PSG11: variants seen among roughly 807,000 people sequenced by gnomAD.
PSG11 encodes pregnancy-specific beta-1-glycoprotein 11.
A neutral mutation model predicts 36.0 loss-of-function variants in PSG11; 42 were observed. The ratio of observed to expected loss-of-function variants is 1.17; its 90% CI spans 0.91 to 1.51. The LOEUF (loss-of-function observed/expected upper bound fraction) is 1.51. Among genes scored for constraint, PSG11 ranks in the 40% most tolerant of loss-of-function variants. The pLI, the probability that PSG11 is intolerant of heterozygous loss-of-function variation, is 0.00. For missense variants in PSG11, 558 were observed against 403.5 expected, an observed-to-expected ratio of 1.38 and a Z score of -3.28; for synonymous variants, 206 against 153.5, an observed-to-expected ratio of 1.34 and a Z score of -2.53.
In PSG11 at chr19:43,015,216, G is replaced by A. The variant is rs1333103319; in HGVS notation, c.864C>T (p.Ile288=). The change falls in exon 4 of 6, where the codon ATC becomes ATT. Residue 288 remains isoleucine (I), a synonymous_variant. Coordinates refer to ENST00000320078, the MANE Select transcript of PSG11 (RefSeq NM_002785.3). ...KFQLSGQKLF[I]PQITPKHNGL... ...CATTATGCTTTGGAGTAATCTGAGG[G>A]ATAAAGAGCTTTTGTCCTGATAGCT... is the stretch of plus-strand genomic sequence containing the variant. 1.4e-5 allele frequency: 23 copies of A among 1,611,138 alleles called. 1 individual carries two copies. The highest frequency in any genetic ancestry group is 2.7e-5 in the African/African-American group (2 of 74,346).
In PSG11 at chr19:43,025,933, T is replaced by TC. The variant is rs1568494467; in HGVS notation, c.64+375dup. Among the ~76,000 whole-genome samples, 73 of 86,950 alleles carry TC rather than the reference T, an allele frequency of 8.4e-4. No individual in the cohort carries two copies. In the Admixed American group the frequency reaches 8.6e-3, roughly 10 times the overall value. 57.0% of individuals were successfully genotyped at this position (86,950 alleles called of 152,430 possible). ...CTTCTTTCCTTTTTTTTTTTTTTTT[T>TC]CTCTTTTTTTTTTTTTTTTTTTTTT... is the stretch of plus-strand genomic sequence containing the variant. On this transcript the variant is annotated intron_variant, in intron 1 of 5. Transcript: ENST00000320078.
chr19:43,017,646 A>C (rs531989451), intron 3 of PSG11: 1 of 151,510 alleles, frequency 6.6e-6, no homozygotes, highest in East Asian at 1.9e-4. Flanking sequence ...TCTGCAAAAA[A>C]TGTTACTGGG....
At position 43,018,606 on chromosome 19, in the gene PSG11, C is replaced by T. The variant is rs980315993; in HGVS notation, c.709+164G>A. ...CTCTTTTCTCCCACTGTGGATCAAG[C>T]CTAGGCCTACTGTGGTTTGTCTGGG... On this transcript the variant is annotated intron_variant, in intron 3 of 5. Coordinates refer to ENST00000320078, the MANE Select transcript of PSG11 (RefSeq NM_002785.3). The T allele has an allele frequency of 1.3e-5, 19 of 1,508,600 alleles. 1 individual carries two copies. The African/African-American group carries it at 2.2e-4, about 18-fold the overall frequency. The allele number at this position is 1,508,600 out of a possible 1,614,324, so 93.5% of individuals were successfully genotyped here. A position where few individuals can be genotyped will look rare whatever the true frequency, so the allele number is the denominator to read the frequency against.
At chr19:43,011,421 T>C (rs1301994728) in intron 4 of PSG11, among the ~76,000 whole-genome samples, 2 of 150,900 alleles carry the variant, frequency 1.3e-5, no homozygotes, top group Non-Finnish European at 2.9e-5. Flanking sequence ...GCACAGTGAA[T>C]GAGGGAAATA....
In PSG11 at chr19:43,020,151, G is replaced by T. The variant is rs544069737; in HGVS notation, c.431-1103C>A. On this transcript the variant is annotated intron_variant, in intron 2 of 5. Coordinates refer to ENST00000320078, the MANE Select transcript of PSG11 (RefSeq NM_002785.3). The stretch of plus-strand genomic sequence containing the variant: ...CGGTTTCAGTTATGCAGGACGAGGA[G>T]GTTCTAGAGATCTCCTGTACAGATT... 2.6e-4 allele frequency among the ~76,000 whole-genome samples: 39 copies of T among 151,424 alleles called. 1 individual carries two copies. The South Asian group carries it at 7.8e-3, about 30-fold the overall frequency.
intron 4 of PSG11, 144 bp downstream of exon 4, chr19:43,014,972 T>TG (rs35387519): frequency 6.5e-7 from 1 of 1,549,098 alleles, no homozygotes; most frequent in Admixed American, 2.0e-5. Context: ...AGAGACAAAT[T>TG]GGGAGGGTTC....
At chr19:43,022,980 A>T (rs1410929020) in intron 2 of PSG11, among the ~76,000 whole-genome samples, 2 of 150,610 alleles carry the variant, frequency 1.3e-5, no homozygotes, top group Non-Finnish European at 3.0e-5. Context: ...ATGAAGTGGG[A>T]GGAAGATGAG....
rs779845903 is a variant in PSG11 at position 43,015,353 on chromosome 19, T to TG, written c.726dup (p.Arg243GlnfsTer24). The TG allele has an allele frequency of 6.2e-7, 1 of 1,610,590 alleles. No homozygotes were observed. Among genetic ancestry groups the TG allele is most frequent in the Non-Finnish European group, 8.5e-7 (1 of 1,177,924 alleles). ...TAAGAGGTGACTGAAGGGAAAATTCTGGGGAGGTCTGGACCATCTGGAGGA... is the reference window on the plus strand; with the variant it reads ...TAAGAGGTGACTGAAGGGAAAATTCTGGGGGAGGTCTGGACCATCTGGAGGA... On this transcript the variant is annotated frameshift_variant, in exon 4 of 6. Transcript: ENST00000320078. LOFTEE classifies it high-confidence loss of function.
At chr19:43,019,576 G>A (rs1361368814) in intron 2 of PSG11, 1 of 161,274 alleles carries the variant, frequency 6.2e-6, no homozygotes, top group Non-Finnish European at 1.4e-5. Context: ...TAACACAGGG[G>A]AGACCAGAGT....
chr19:43,012,961 C>G (rs1974111983), intron 4 of PSG11, among the ~76,000 whole-genome samples: 1 of 151,200 alleles, frequency 6.6e-6, no homozygotes, highest in African/African-American at 2.4e-5. Flanking sequence ...TATCATAGCC[C>G]AGAAAGAAAT....
At chr19:43,021,365 A>AT (rs576476591) in intron 2 of PSG11, among the ~76,000 whole-genome samples, 15 of 150,772 alleles carry the variant, frequency 9.9e-5, no homozygotes, top group African/African-American at 2.7e-4. Flanking sequence ...CAGCATTTTT[A>AT]TTTTTTCTGA....
chr19:43,016,139 G>A, intron 3 of PSG11: 2 of 1,500,422 alleles, frequency 1.3e-6, no homozygotes, highest in Non-Finnish European at 9.0e-7. Context: ...CCACCTCTCA[G>A]CCCACCCGAG....
At chr19:43,023,974 A>T (rs535118617) in intron 2 of PSG11, among the ~76,000 whole-genome samples, 8 of 151,610 alleles carry the variant, frequency 5.3e-5, no homozygotes, top group Middle Eastern at 3.4e-3. Context: ...AGCTGCTACC[A>T]GGTACATCTT....
chr19:43,010,203 T>C (rs2122782903), intron 4 of PSG11, 162 bp from the exon 5 acceptor site: 1 of 1,452,486 alleles, frequency 6.9e-7, no homozygotes, highest in Non-Finnish European at 9.1e-7. Context: ...TTCTTGCAGT[T>C]TTTTTTCCCT....
chr19:43,025,345 C>G (rs1244052341), intron 1 of PSG11: 2 of 450,814 alleles, frequency 4.4e-6, no homozygotes, highest in African/African-American at 4.0e-5. Context: ...CCCCAGGGGT[C>G]CGCATGGCCC....
chr19:43,021,287 C>G (rs1442099651), intron 2 of PSG11, among the ~76,000 whole-genome samples: 1 of 151,398 alleles, frequency 6.6e-6, no homozygotes, highest in Non-Finnish European at 1.5e-5. Context: ...CATCCTCAAG[C>G]TAGGGATTCC....
intron 1 of PSG11, 121 bp from the exon 2 acceptor site, chr19:43,025,177 A>C (rs1340918813): frequency 2.9e-6 from 4 of 1,391,086 alleles, no homozygotes; most frequent in Non-Finnish European, 3.9e-6. Context: ...ACACACACAC[A>C]CACACACATA....
rs780258541 is a variant in PSG11, at chr19:43,021,445, G to A, written c.431-2397C>T. ...CAGCTCACTGCAAGCTCCACCTCCC[G>A]GGTTCACACCATTCTCCTGCCTCGA... On this transcript the variant is annotated intron_variant, in intron 2 of 5. Coordinates refer to ENST00000320078, the MANE Select transcript of PSG11 (RefSeq NM_002785.3). Among the ~76,000 whole-genome samples the A allele has an allele frequency of 1.5e-4, 23 of 151,156 alleles. 1 individual carries two copies. The highest frequency in any genetic ancestry group is 2.4e-4 in the Non-Finnish European group (16 of 67,862).
intron 2 of PSG11, 181 bp downstream of exon 2, chr19:43,024,510 G>C: frequency 8.3e-7 from 1 of 1,208,554 alleles, no homozygotes; most frequent in Non-Finnish European, 1.2e-6. Context: ...ATGCGGGAAA[G>C]GAATTCTGAT....
Sources: gnomAD v4.1 joint callset for allele counts (sites outside exome capture counted in the v4.1 genomes callset) on GRCh38, gnomAD v4.1.1 for gene constraint, MANE v1.5 for transcripts, NCBI Gene and HGNC (gene_info 2026-07-23, HGNC 2026-07-21) for gene names.